Variants in SRPX observed in about 807,000 individuals in gnomAD.
SRPX encodes the protein sushi repeat containing protein X-linked, also known as sushi repeat-containing protein SRPX.
In SRPX, 24 loss-of-function variants were observed where a neutral mutation model predicts 38.1. The ratio of observed to expected loss-of-function variants is 0.63; its 90% CI spans 0.46 to 0.89. SRPX has a LOEUF of 0.89. Among genes scored for constraint, SRPX ranks in the 40% least tolerant of loss-of-function variants. SRPX has a pLI of 0.00. For missense variants in SRPX, 416 were observed against 377.8 expected, an observed-to-expected ratio of 1.10 and a Z score of -0.84; for synonymous variants, 184 against 153.8, an observed-to-expected ratio of 1.20 and a Z score of -1.45.
intron 1 of SRPX, among the ~76,000 whole-genome samples, chrX:38,202,381 A>G (rs1287055422): frequency 9.0e-6 from 1 of 111,658 alleles, no homozygotes; most frequent in African/African-American, 3.3e-5. Flanking sequence ...GTGGGATAAA[A>G]CAGTTCTCAG....
chrX:38,162,322 G>A (rs1172597953), intron 5 of SRPX, among the ~76,000 whole-genome samples: 1 of 111,602 alleles, frequency 9.0e-6, no homozygotes, highest in Non-Finnish European at 1.9e-5. Flanking sequence ...GGGGTCATAG[G>A]AGAAATGCCA....
At chrX:38,188,051 C>T (rs188597348) in intron 1 of SRPX, among the ~76,000 whole-genome samples, 3 of 111,525 alleles carry the variant, frequency 2.7e-5, no homozygotes, top group African/African-American at 9.8e-5. Flanking sequence ...ACACAGAGAA[C>T]CAGGATCTGT....
At chrX:38,215,758 T>G (rs867162155) in intron 1 of SRPX, among the ~76,000 whole-genome samples, 9 of 112,236 alleles carry the variant, frequency 8.0e-5, no homozygotes, top group Middle Eastern at 4.6e-3. Flanking sequence ...GTGTACTAAG[T>G]GGGGCAGGGG....
At chrX:38,156,858 G>T in intron 8 of SRPX, 38 bp downstream of exon 8, 1 of 1,192,666 alleles carries the variant, frequency 8.4e-7, no homozygotes, top group Non-Finnish European at 1.1e-6. Context: ...TCCTGTTAAA[G>T]GTCTCCCTCT....
chrX:38,170,786 G>C (rs1319722799), intron 4 of SRPX, among the ~76,000 whole-genome samples: 1 of 111,979 alleles, frequency 8.9e-6, no homozygotes, highest in Admixed American at 9.5e-5. Context: ...ATGATCCCTA[G>C]AGTACTCTGC....
In SRPX at chrX:38,172,037, C is replaced by A. The variant is rs763631864; in HGVS notation, c.370G>T (p.Ala124Ser). 6 of 1,211,241 alleles carry A rather than the reference C, an allele frequency of 5.0e-6. No individual in the cohort carries two copies. The highest frequency in any genetic ancestry group is 5.6e-6 in the Non-Finnish European group (5 of 895,072). The part of the protein sequence containing the change: ...ICKQKRCPTL[A>S]MPANGGFKCV... ...TTAAACCCTCCATTTGCTGGCATGGCAAGGGTAGGACATCGCTTTTCTGAA... is the reference window on the plus strand; with the variant it reads ...TTAAACCCTCCATTTGCTGGCATGGAAAGGGTAGGACATCGCTTTTCTGAA... Residue 124 changes from alanine (A) to serine (S), a missense_variant, in exon 4 of 10, where the codon GCC becomes TCC. Ala to Ser is a moderately conservative substitution (Grantham distance 99). Coordinates refer to ENST00000378533, the MANE Select transcript of SRPX (RefSeq NM_006307.5).
At chrX:38,220,121 C>A (rs1307765194) in intron 1 of SRPX, among the ~76,000 whole-genome samples, 1 of 113,430 alleles carries the variant, frequency 8.8e-6, no homozygotes, top group Non-Finnish European at 1.9e-5. Flanking sequence ...CCACTCTCAG[C>A]TGGCAATTCT....
intron 4 of SRPX, 138 bp from the exon 5 acceptor site, chrX:38,165,033 C>A (rs934300167): frequency 4.0e-6 from 2 of 506,285 alleles, no homozygotes; most frequent in Admixed American, 4.0e-5. Flanking sequence ...ATATATTCCC[C>A]TTTTCTCCCT....
At position 38,184,016 on chromosome X, in the gene SRPX, T is replaced by A. The variant is rs1463071475; in HGVS notation, c.98-5672A>T. 3.6e-5 allele frequency among the ~76,000 whole-genome samples: 4 copies of A among 111,561 alleles called. No homozygotes were observed. In the East Asian group the frequency reaches 1.1e-3, roughly 31 times the overall value. Reference sequence around the variant, plus strand: ...TCCTGGCCTATGGAACCCCACCCATTCATTCTGAATGTCCAGGTAGATAAG... The same window carrying A: ...TCCTGGCCTATGGAACCCCACCCATACATTCTGAATGTCCAGGTAGATAAG... On this transcript the variant is annotated intron_variant, in intron 1 of 9. Coordinates refer to ENST00000378533, the MANE Select transcript of SRPX (RefSeq NM_006307.5).
intron 1 of SRPX, among the ~76,000 whole-genome samples, chrX:38,188,218 C>T (rs1273544457): frequency 8.9e-6 from 1 of 111,983 alleles, no homozygotes; most frequent in East Asian, 2.8e-4. Context: ...AAACCTTTTG[C>T]TAATCATGGG....
chrX:38,151,600 G>C (rs189087385), intron 9 of SRPX, among the ~76,000 whole-genome samples: 74 of 111,638 alleles, frequency 6.6e-4, no homozygotes, highest in Non-Finnish European at 1.2e-3. Context: ...AGAATGTAAA[G>C]AGGGAAAACT....
In SRPX at chrX:38,192,949, C is replaced by G. The variant is rs181882896; in HGVS notation, c.98-14605G>C. Among the ~76,000 whole-genome samples, 404 of 112,478 alleles carry G rather than the reference C, an allele frequency of 3.6e-3. 4 individuals are homozygous for G. The highest frequency in any genetic ancestry group is 0.013 in the African/African-American group (389 of 30,951). The stretch of plus-strand genomic sequence containing the variant: ...GCATCCTGGTGTGCAGATGAAAGTC[C>G]AGGGTAAGAAGGAAATAAAAGGTAA... On this transcript the variant is annotated intron_variant, in intron 1 of 9. Transcript: ENST00000378533.
intron 1 of SRPX, among the ~76,000 whole-genome samples, chrX:38,218,619 A>G (rs922562541): frequency 1.8e-5 from 2 of 112,460 alleles, no homozygotes; most frequent in African/African-American, 6.5e-5. Flanking sequence ...ATCTTCTTTC[A>G]GAAGTTCCAG....
chrX:38,179,452 A>G (rs1323252517), intron 1 of SRPX, among the ~76,000 whole-genome samples: 1 of 112,293 alleles, frequency 8.9e-6, no homozygotes, highest in African/African-American at 3.2e-5. Context: ...AAATTCAGAG[A>G]ACTTCCCTCC....
intron 1 of SRPX, among the ~76,000 whole-genome samples, chrX:38,218,289 T>C (rs964506090): frequency 8.9e-6 from 1 of 112,774 alleles, no homozygotes; most frequent in Non-Finnish European, 1.9e-5. Context: ...CTATCTCACA[T>C]GCAAATACAG....
intron 1 of SRPX, among the ~76,000 whole-genome samples, chrX:38,205,715 T>C (rs1939196646): frequency 8.9e-6 from 1 of 112,334 alleles, no homozygotes. Context: ...GAGCCTTTGA[T>C]ATTCCCAGGG....
chrX:38,152,725 T>G (rs961512373), intron 9 of SRPX, among the ~76,000 whole-genome samples: 1 of 112,453 alleles, frequency 8.9e-6, no homozygotes, highest in African/African-American at 3.2e-5. Flanking sequence ...TTAAACAGTT[T>G]AAAATCACAT....
intron 4 of SRPX, among the ~76,000 whole-genome samples, chrX:38,171,179 C>T (rs1044532558): frequency 9.0e-6 from 1 of 111,422 alleles, no homozygotes; most frequent in South Asian, 3.9e-4. Context: ...TTCCCAAGGT[C>T]CCTAGAGGAC....
intron 1 of SRPX, among the ~76,000 whole-genome samples, chrX:38,178,661 C>G (rs1422188285): frequency 1.8e-5 from 2 of 111,827 alleles, no homozygotes; most frequent in Non-Finnish European, 3.8e-5. Flanking sequence ...ATATGAATCT[C>G]ATGCCAGGGG....
Sources: allele counts gnomAD v4.1 joint callset (sites outside exome capture counted in the v4.1 genomes callset), GRCh38; gene constraint gnomAD v4.1.1; transcripts MANE v1.5; gene names NCBI Gene and HGNC (gene_info 2026-07-23, HGNC 2026-07-21).